Variants in TLR8 observed in about 807,000 individuals in gnomAD.
TLR8 encodes the protein toll like receptor 8, also known as toll-like receptor 8.
Under a neutral mutation model 18.5 loss-of-function variants are expected in TLR8, and 5 were observed. The observed-to-expected ratio is 0.27, with a 90% confidence interval of 0.14 to 0.57. The LOEUF (loss-of-function observed/expected upper bound fraction) is 0.57, where lower values mean the gene tolerates loss of function less well. TLR8 is among the 20% of genes least tolerant of loss of function. TLR8 has a pLI of 0.92. For missense variants in TLR8, 543 were observed against 769.8 expected (o/e 0.71, Z 3.49); for synonymous variants, 299 against 300.1 (o/e 1.00, Z 0.04).
chrX:12,916,469 G>A lies in TLR8; in HGVS notation c.4-2575G>A, dbSNP rs572080469. Among the ~76,000 whole-genome samples, 32 of 111,643 alleles carry A rather than the reference G, an allele frequency of 2.9e-4. No homozygotes were observed. The South Asian group carries it at 6.0e-3, about 21-fold the overall frequency. Reference sequence around the variant, plus strand: ...GAACAAATATAGCATTGCCTGTGGCGTCTCCCTCAAAGTGCCTTGCATGTC... The same window carrying A: ...GAACAAATATAGCATTGCCTGTGGCATCTCCCTCAAAGTGCCTTGCATGTC... On this transcript the variant is annotated intron_variant, in intron 1 of 1. Coordinates refer to ENST00000218032, the MANE Select transcript of TLR8 (RefSeq NM_138636.5).
In TLR8 at chrX:12,922,417, GGTT is replaced by G; in HGVS notation, c.*255_*257del. ...GGCATCACTGGGGTCACACTCATGT[GGTT>G]GTTTTCTGGATTCAATTCCTCCTGG... On this transcript the variant is annotated 3_prime_UTR_variant, in exon 2 of 2. Transcript: ENST00000218032. The G allele has an allele frequency of 2.9e-6, 1 of 347,575 alleles. No individual in the cohort carries two copies. The highest frequency in any genetic ancestry group is 5.0e-6 in the Non-Finnish European group (1 of 201,952). The allele number at this position is 347,575 out of a possible 1,213,427, so 28.6% of individuals were successfully genotyped here. A position where few individuals can be genotyped will look rare whatever the true frequency, so the allele number is the denominator to read the frequency against.
intron 1 of TLR8, 23 bp downstream of exon 1, chrX:12,906,732 G>T: frequency 9.1e-7 from 1 of 1,101,660 alleles, no homozygotes; most frequent in Non-Finnish European, 1.2e-6. Flanking sequence ...TATTTCTTTA[G>T]CAAAGCTTTC....
intron 1 of TLR8, among the ~76,000 whole-genome samples, chrX:12,909,616 C>T (rs764030429): frequency 1.3e-4 from 15 of 111,526 alleles, no homozygotes; most frequent in African/African-American, 3.6e-4. Flanking sequence ...GTGGAAAATC[C>T]GCCACCAGCA....
At chrX:12,917,074 G>A (rs182230128) in intron 1 of TLR8, among the ~76,000 whole-genome samples, 2 of 111,651 alleles carry the variant, frequency 1.8e-5, no homozygotes, top group East Asian at 5.6e-4. Flanking sequence ...GCCTTCAAAC[G>A]CTCGTATGAT....
intron 1 of TLR8, among the ~76,000 whole-genome samples, chrX:12,913,083 T>A (rs1236827580): frequency 2.7e-5 from 3 of 112,269 alleles, no homozygotes; most frequent in Non-Finnish European, 5.6e-5. Context: ...CCCTGACATA[T>A]TCTCCTTGGG....
chrX:12,913,292 A>T (rs775025279), intron 1 of TLR8, among the ~76,000 whole-genome samples: 1 of 111,691 alleles, frequency 9.0e-6, no homozygotes, highest in Admixed American at 9.5e-5. Flanking sequence ...GCTCGATCTA[A>T]TCATAACAAA....
At chrX:12,914,089 A>G (rs5744053) in intron 1 of TLR8, among the ~76,000 whole-genome samples, 1,464 of 111,935 alleles carry the variant, frequency 0.013, 36 homozygotes, top group African/African-American at 0.045. Context: ...GCCTAGAAAT[A>G]GATCCAAATA....
intron 1 of TLR8, 83 bp downstream of exon 1, chrX:12,906,792 G>T: frequency 1.1e-6 from 1 of 879,429 alleles, no homozygotes; most frequent in Non-Finnish European, 1.5e-6. Context: ...GTGGCAAATG[G>T]TGTGAGCCTA....
Position 12,920,481 on chromosome X carries a change from G to T in TLR8, c.1441G>T (p.Ala481Ser), listed in dbSNP as rs778131239. ...TRPLIKPQCA[A>S]YGKALDLSLN... ...TCCTTTAATAAAGCCACAATGTGCT[G>T]CTTATGGAAAAGCCTTAGATTTAAG... Residue 481 changes from alanine (A) to serine (S), a missense_variant, in exon 2 of 2, where the codon GCT (alanine) becomes TCT (serine). Physicochemically the swap from Ala to Ser is moderately conservative, Grantham distance 99. Around this residue, in one of 4 missense-constraint regions of TLR8, gnomAD observed 185 missense variants for 298.9 expected, o/e 0.62. Coordinates refer to ENST00000218032, the MANE Select transcript of TLR8 (RefSeq NM_138636.5). The T allele has an allele frequency of 4.1e-6, 5 of 1,211,827 alleles. No individual in the cohort carries two copies. Among genetic ancestry groups the T allele is most frequent in the Non-Finnish European group, 5.6e-6 (5 of 895,555 alleles).
In TLR8 at chrX:12,919,698, C is replaced by T; in HGVS notation, c.658C>T (p.Leu220=). ...TTCTCTTTCACACGTGCCACCCAAA[C>T]TGCCAAGCTCCCTACGCAAACTTTT... is the stretch of plus-strand genomic sequence containing the variant. ...FNSLSHVPPK[L]PSSLRKLFLS... The change falls in exon 2 of 2, where the codon CTG becomes TTG. Residue 220 remains leucine (L), a synonymous_variant. Transcript: ENST00000218032. 1 of 1,210,453 alleles carries T rather than the reference C, an allele frequency of 8.3e-7. No individual in the cohort carries two copies. Among genetic ancestry groups the T allele is most frequent in the Non-Finnish European group, 1.1e-6 (1 of 894,937 alleles).
intron 1 of TLR8, among the ~76,000 whole-genome samples, chrX:12,918,441 T>C (rs984924728): frequency 8.9e-6 from 1 of 111,928 alleles, no homozygotes; most frequent in African/African-American, 3.2e-5. Context: ...CTTAGACTCA[T>C]TATGGTGGTG....
At chrX:12,914,458 C>T (rs920105621) in intron 1 of TLR8, among the ~76,000 whole-genome samples, 1 of 111,141 alleles carries the variant, frequency 9.0e-6, no homozygotes, top group African/African-American at 3.3e-5. Flanking sequence ...CTACTGGACA[C>T]CTCTACTTGA....
chrX:12,910,075 T>G (rs2043010709), intron 1 of TLR8, among the ~76,000 whole-genome samples: 1 of 112,533 alleles, frequency 8.9e-6, no homozygotes, highest in Middle Eastern at 4.6e-3. Flanking sequence ...GTATCTATTA[T>G]TAATTGTAAA....
In TLR8 at chrX:12,921,260, C is replaced by T. The variant is rs1304979129; in HGVS notation, c.2220C>T (p.His740=). The T allele has an allele frequency of 8.3e-7, 1 of 1,211,675 alleles. No homozygotes were observed. The highest frequency in any genetic ancestry group is 2.2e-5 in the Admixed American group (1 of 46,004). The change falls in exon 2 of 2, where the codon CAC becomes CAT. Residue 740 remains histidine, a synonymous_variant. Transcript: ENST00000218032. The part of the protein sequence containing the change: ...GFLSEVSSLK[H]LDLSSNLLKT... ...TTTCTGAAGTCAGTAGTCTGAAGCA[C>T]CTCGATTTAAGTTCCAATCTGCTAA...
rs1209556482 is a variant in TLR8 at position 12,909,662 on chromosome X, T to C, written c.3+2953T>C. On this transcript the variant is annotated intron_variant, in intron 1 of 1. Transcript: ENST00000218032. ...GGAGGTTCCACATAGGGCTATCAGG[T>C]CTCTGCTGATCACTGAAACCAGATC... 5.4e-5 allele frequency among the ~76,000 whole-genome samples: 6 copies of C among 111,613 alleles called. 1 individual carries two copies. The Admixed American group carries it at 5.7e-4, about 11-fold the overall frequency.
rs1318271768 is a variant in TLR8, at chrX:12,920,025, T to A, written c.985T>A (p.Ser329Thr). The A allele has an allele frequency of 8.3e-7, 1 of 1,211,725 alleles. No individual in the cohort carries two copies. The change falls in exon 2 of 2, where the codon TCT becomes ACT. Residue 329 changes from serine to threonine, a missense_variant. By Grantham distance (58) the Ser-to-Thr change is moderately conservative (BLOSUM62 1). Transcript: ENST00000218032. ...CAACTATTTAGTGGGAGAAATAGCCTCTGGGGCATTTTTAACGATGCTGCC... is the reference window on the plus strand; with the variant it reads ...CAACTATTTAGTGGGAGAAATAGCCACTGGGGCATTTTTAACGATGCTGCC... ...EFNYLVGEIA[S>T]GAFLTMLPRL...
chrX:12,919,796 T>G lies in TLR8; in HGVS notation c.756T>G (p.Asp252Glu), dbSNP rs1293871448. 1.7e-6 allele frequency: 2 copies of G among 1,211,349 alleles called. No individual in the cohort carries two copies. Among genetic ancestry groups the G allele is most frequent in the Non-Finnish European group, 1.1e-6 (1 of 895,100 alleles). The change falls in exon 2 of 2, where the codon GAT becomes GAG. Residue 252 changes from aspartate (D) to glutamate (E), a missense_variant. By Grantham distance (45) the Asp-to-Glu change is conservative (BLOSUM62 2). Transcript: ENST00000218032. ...FKGLINLTLL[D>E]LSGNCPRCFN... ...GATTGATAAATTTAACATTACTAGA[T>G]TTAAGCGGGAACTGTCCGAGGTGCT...
rs1344180268 is a variant in TLR8, at chrX:12,922,145, C to T, written c.3105C>T (p.Val1035=). The change falls in exon 2 of 2, where the codon GTC becomes GTT. Residue 1035 remains valine, a synonymous_variant. Coordinates refer to ENST00000218032, the MANE Select transcript of TLR8 (RefSeq NM_138636.5). ...ATTCACGGTATAACAATATGTATGT[C>T]GATTCCATTAAGCAATACTAACTGA... The part of the protein sequence containing the change: ...ENDSRYNNMY[V]DSIKQY 2.5e-6 allele frequency: 3 copies of T among 1,201,111 alleles called. No individual in the cohort carries two copies. The highest frequency in any genetic ancestry group is 1.7e-5 in the African/African-American group (1 of 57,553).
At chrX:12,916,909 C>T (rs1488899149) in intron 1 of TLR8, among the ~76,000 whole-genome samples, 2 of 111,293 alleles carry the variant, frequency 1.8e-5, no homozygotes, top group African/African-American at 6.6e-5. Context: ...TCCTTGCTAG[C>T]TGCCTGCAGA....
Sources: allele counts gnomAD v4.1 joint callset (sites outside exome capture counted in the v4.1 genomes callset), GRCh38; gene constraint gnomAD v4.1.1; regional missense constraint gnomAD v4.1.1; transcripts MANE v1.5; gene names NCBI Gene and HGNC (gene_info 2026-07-23, HGNC 2026-07-21).